Variants in GALNT13 observed in about 807,000 individuals in gnomAD.
GALNT13 encodes polypeptide N-acetylgalactosaminyltransferase 13.
In GALNT13, 28 loss-of-function variants were observed where a neutral mutation model predicts 64.2. The observed-to-expected ratio is 0.44, with a 90% CI of 0.32 to 0.60. The LOEUF (loss-of-function observed/expected upper bound fraction) is 0.60. GALNT13 is among the 20% of genes least tolerant of loss of function. The pLI, the probability that GALNT13 is intolerant of heterozygous loss-of-function variation, is 0.05. For synonymous variants in GALNT13, 214 were observed against 224.6 expected (o/e 0.95, Z 0.42); for missense variants, 577 against 669.8 (o/e 0.86, Z 1.53).
chr2:153,729,355 C>T, the GALNT13 span, among the ~76,000 whole-genome samples: 41 of 152,156 alleles, frequency 2.7e-4, no homozygotes, highest in Admixed American at 1.2e-3. Flanking sequence ...AATGTTCAGT[C>T]TCTTAATGCT....
At chr2:154,358,593 A>G (rs921767020) in intron 9 of GALNT13, among the ~76,000 whole-genome samples, 1 of 152,066 alleles carries the variant, frequency 6.6e-6, no homozygotes, top group Non-Finnish European at 1.5e-5. Flanking sequence ...AAGGAAAATC[A>G]TATTTGGATC....
the GALNT13 span, among the ~76,000 whole-genome samples, chr2:153,261,956 G>A: frequency 6.6e-6 from 1 of 152,092 alleles, no homozygotes; most frequent in Admixed American, 6.5e-5. Flanking sequence ...TACATCAGGG[G>A]ACTTGGCTCC....
At chr2:154,088,718 G>T (rs1399516136) in intron 3 of GALNT13, among the ~76,000 whole-genome samples, 2 of 152,152 alleles carry the variant, frequency 1.3e-5, no homozygotes, top group Non-Finnish European at 2.9e-5. Flanking sequence ...CTCCCAAAGT[G>T]CTGGGATTAC....
the GALNT13 span, among the ~76,000 whole-genome samples, chr2:153,722,984 G>A: frequency 4.3e-3 from 658 of 152,078 alleles, 4 homozygotes; most frequent in African/African-American, 0.014. Flanking sequence ...TACCAAAGCC[G>A]GGCAGAGACA....
chr2:153,786,043 C>T, the GALNT13 span, among the ~76,000 whole-genome samples: 1 of 151,916 alleles, frequency 6.6e-6, no homozygotes, highest in Non-Finnish European at 1.5e-5. Flanking sequence ...TGAACACTCC[C>T]AGTAACAGCG....
the GALNT13 span, among the ~76,000 whole-genome samples, chr2:153,803,318 A>G: frequency 2.0e-5 from 3 of 152,212 alleles, no homozygotes; most frequent in East Asian, 3.8e-4. Context: ...ACATTTGAAG[A>G]TAGAGTTTTT....
rs201542390 is a variant in GALNT13 at position 154,118,989 on chromosome 2, A to G, written c.143-21348A>G. 3.3e-5 allele frequency among the ~76,000 whole-genome samples: 5 copies of G among 152,132 alleles called. No individual in the cohort carries two copies. The East Asian group carries it at 7.7e-4, about 23-fold the overall frequency. On this transcript the variant is annotated intron_variant, in intron 3 of 12. Transcript: ENST00000392825. ...AAATTGCATTACACACCTTACACAC[A>G]CATCATTAAAATCCTAGAGTACTCT...
At chr2:153,751,442 T>C in the GALNT13 span, among the ~76,000 whole-genome samples, 1 of 151,890 alleles carries the variant, frequency 6.6e-6, no homozygotes, top group African/African-American at 2.4e-5. Context: ...AGTCTCCAAC[T>C]ATTATTGTAC....
intron 3 of GALNT13, among the ~76,000 whole-genome samples, chr2:153,966,219 CTT>C (rs761961683): frequency 2.7e-4 from 32 of 120,100 alleles, no homozygotes; most frequent in Admixed American, 6.9e-4. Flanking sequence ...GGTTGGATTT[CTT>C]TTTTTTTTTT....
chr2:153,403,329 A>G, the GALNT13 span, among the ~76,000 whole-genome samples: 1 of 151,972 alleles, frequency 6.6e-6, no homozygotes, highest in South Asian at 2.1e-4. Context: ...TGCTCTCTTC[A>G]AAGCTGTCAG....
chr2:153,244,610 G>T, the GALNT13 span, among the ~76,000 whole-genome samples: 8 of 152,216 alleles, frequency 5.3e-5, no homozygotes, highest in East Asian at 5.8e-4. Flanking sequence ...CAGATGCTAC[G>T]CTTTTCCCAT....
chr2:153,412,662 G>A, the GALNT13 span, among the ~76,000 whole-genome samples: 1 of 152,184 alleles, frequency 6.6e-6, no homozygotes, highest in African/African-American at 2.4e-5. Flanking sequence ...TAAGGACTGA[G>A]TGTTTGTTTT....
At chr2:153,097,446 C>T in the GALNT13 span, among the ~76,000 whole-genome samples, 1 of 152,088 alleles carries the variant, frequency 6.6e-6, no homozygotes, top group African/African-American at 2.4e-5. Flanking sequence ...ACTTCCCTCT[C>T]TCCTTTTCTT....
At chr2:153,409,273 C>CAT in the GALNT13 span, among the ~76,000 whole-genome samples, 2,735 of 126,028 alleles carry the variant, frequency 0.022, 103 homozygotes, top group African/African-American at 0.078. Flanking sequence ...AACTCCCTTT[C>CAT]ATATATATAT....
intron 3 of GALNT13, among the ~76,000 whole-genome samples, chr2:154,071,152 GAT>G (rs1486080326): frequency 6.6e-6 from 1 of 152,034 alleles, no homozygotes; most frequent in Non-Finnish European, 1.5e-5. Flanking sequence ...AATCTTTTCT[GAT>G]TCATGACTTA....
At chr2:154,199,692 A>G (rs1393870593) in intron 4 of GALNT13, among the ~76,000 whole-genome samples, 2 of 152,082 alleles carry the variant, frequency 1.3e-5, no homozygotes, top group African/African-American at 2.4e-5. Flanking sequence ...TCTTATAATT[A>G]TGTCATAAAA....
the GALNT13 span, among the ~76,000 whole-genome samples, chr2:153,721,077 C>G: frequency 1.3e-5 from 2 of 149,566 alleles, no homozygotes; most frequent in Admixed American, 6.7e-5. Flanking sequence ...TCGGGTTACC[C>G]ACAAAGGGAA....
the GALNT13 span, among the ~76,000 whole-genome samples, chr2:153,288,771 G>GA: frequency 6.6e-6 from 1 of 152,098 alleles, no homozygotes; most frequent in African/African-American, 2.4e-5. Context: ...TGCATGTATA[G>GA]AAAAAAACTT....
intron 3 of GALNT13, among the ~76,000 whole-genome samples, chr2:154,092,976 T>TAAAACA (rs1410719190): frequency 6.6e-6 from 1 of 151,832 alleles, no homozygotes; most frequent in East Asian, 1.9e-4. Context: ...AAAATAAATG[T>TAAAACA]AAAACGCACA....
Sources: allele counts gnomAD v4.1 joint callset (sites outside exome capture counted in the v4.1 genomes callset), GRCh38; gene constraint gnomAD v4.1.1; transcripts MANE v1.5; gene names NCBI Gene and HGNC (gene_info 2026-07-23, HGNC 2026-07-21).